Variants in PITPNB observed in about 807,000 individuals in gnomAD.
The protein encoded by PITPNB is phosphatidylinositol transfer protein beta isoform.
Under a neutral mutation model 45.9 loss-of-function variants are expected in PITPNB, and 16 were observed. That is an observed-to-expected ratio of 0.35 (90% CI 0.24 to 0.53). The LOEUF (loss-of-function observed/expected upper bound fraction) is 0.53, where lower values mean the gene tolerates loss of function less well. Among genes scored for constraint, PITPNB ranks in the 20% least tolerant of loss-of-function variants. PITPNB has a pLI of 0.93. For synonymous variants in PITPNB, 112 were observed against 108.9 expected (o/e 1.03, Z -0.18); for missense variants, 188 against 330.5 (o/e 0.57, Z 3.34).
intron 8 of PITPNB, among the ~76,000 whole-genome samples, chr22:27,862,313 A>G (rs766115547): frequency 6.0e-4 from 91 of 152,108 alleles, no homozygotes; most frequent in Non-Finnish European, 4.3e-4. Flanking sequence ...ATTATCTACC[A>G]TGGCCCAGTT....
At position 27,858,519 on chromosome 22, in the gene PITPNB, CA is replaced by C; in HGVS notation, c.646-11del. The C allele has an allele frequency of 6.2e-7, 1 of 1,602,276 alleles. No individual in the cohort carries two copies. The highest frequency in any genetic ancestry group is 8.5e-7 in the Non-Finnish European group (1 of 1,175,574). On this transcript the variant is annotated splice_polypyrimidine_tract_variant and intron_variant, in intron 9 of 11. Transcript: ENST00000335272. ...ATATCCGTTTTTCTTGCTTTTAAAACAACAACAAAAAAGTAGCATAAGATGA... is the reference window on the plus strand; with the variant it reads ...ATATCCGTTTTTCTTGCTTTTAAAACACAACAAAAAAGTAGCATAAGATGA...
chr22:27,853,945 T>C (rs2146341562), intron 11 of PITPNB, among the ~76,000 whole-genome samples: 1 of 152,136 alleles, frequency 6.6e-6, no homozygotes, highest in East Asian at 1.9e-4. Flanking sequence ...ATTTTTTTTT[T>C]TTTAATGAAC....
At chr22:27,865,157 T>C (rs1353440173) in intron 8 of PITPNB, among the ~76,000 whole-genome samples, 1 of 152,178 alleles carries the variant, frequency 6.6e-6, no homozygotes, top group Non-Finnish European at 1.5e-5. Context: ...AAAGTTATCA[T>C]TTAAAAATTT....
Position 27,854,871 on chromosome 22 carries a change from C to G in PITPNB, c.*21G>C. ...TCACTTACACAGTTTGACATTGTCT[C>G]TGACCCTACAGGGGACTCATCTAGA... is the stretch of plus-strand genomic sequence containing the variant. On this transcript the variant is annotated 3_prime_UTR_variant, in exon 11 of 12. Transcript: ENST00000335272. 6.2e-7 allele frequency: 1 copy of G among 1,611,324 alleles called. No homozygotes were observed. The highest frequency in any genetic ancestry group is 8.5e-7 in the Non-Finnish European group (1 of 1,177,496).
intron 10 of PITPNB, among the ~76,000 whole-genome samples, 160 bp downstream of exon 10, chr22:27,858,227 G>GA (rs1934227177): frequency 6.6e-6 from 1 of 152,184 alleles, no homozygotes; most frequent in African/African-American, 2.4e-5. Flanking sequence ...ATATGTGAAG[G>GA]AATAGCAGTG....
rs144532230 is a variant in PITPNB at position 27,902,833 on chromosome 22, C to G, written c.198-4941G>C. On this transcript the variant is annotated intron_variant, in intron 3 of 11. Transcript: ENST00000335272. ...TTCTGGGCTCAAGCGATTCTCCCACCTCGTCTCCTGAGTAGCTATGACAAA... is the reference window on the plus strand; with the variant it reads ...TTCTGGGCTCAAGCGATTCTCCCACGTCGTCTCCTGAGTAGCTATGACAAA... 6.8e-3 allele frequency among the ~76,000 whole-genome samples: 1,031 copies of G among 152,274 alleles called. 7 individuals are homozygous for G. The highest frequency in any genetic ancestry group is 0.023 in the African/African-American group (936 of 41,550).
In PITPNB at chr22:27,885,212, T is replaced by TTAAAAAA. The variant is rs1569019261; in HGVS notation, c.456+9342_456+9343insTTTTTTA. ...AAAGAGCCAGATTCAAATTTATACC[T>TTAAAAAA]AAAAAAAAAAAAAAAAAAAAAAAAA... On this transcript the variant is annotated intron_variant, in intron 7 of 11. Coordinates refer to ENST00000335272, the MANE Select transcript of PITPNB (RefSeq NM_012399.5). 4.3e-4 allele frequency among the ~76,000 whole-genome samples: 13 copies of TTAAAAAA among 30,234 alleles called. 1 individual carries two copies. In the East Asian group the frequency reaches 7.3e-3, roughly 17 times the overall value. 19.8% of individuals were successfully genotyped at this position (30,234 alleles called of 152,430 possible).
intron 7 of PITPNB, among the ~76,000 whole-genome samples, chr22:27,878,356 CA>C (rs1934877733): frequency 6.6e-6 from 1 of 151,962 alleles, no homozygotes; most frequent in Non-Finnish European, 1.5e-5. Context: ...AGCGAGACTC[CA>C]AAGAGTAAGT....
At chr22:27,919,124 C>T in intron 1 of PITPNB, 48 bp downstream of exon 1, 1 of 1,613,920 alleles carries the variant, frequency 6.2e-7, no homozygotes, top group Non-Finnish European at 8.5e-7. Context: ...AACAAATCTC[C>T]CATCACTGCC....
intron 11 of PITPNB, among the ~76,000 whole-genome samples, 154 bp downstream of exon 11, chr22:27,854,700 A>G (rs1934122225): frequency 6.6e-6 from 1 of 152,240 alleles, no homozygotes; most frequent in Non-Finnish European, 1.5e-5. Context: ...AAGACTATTA[A>G]TAAGTGTTCA....
chr22:27,917,053 C>T (rs1161286767), intron 1 of PITPNB, among the ~76,000 whole-genome samples: 4 of 151,922 alleles, frequency 2.6e-5, no homozygotes, highest in Admixed American at 2.6e-4. Context: ...TTCAAAAAGT[C>T]TAGGAGGAAA....
chr22:27,858,165 A>C (rs911638582), intron 10 of PITPNB, among the ~76,000 whole-genome samples: 2 of 152,242 alleles, frequency 1.3e-5, no homozygotes, highest in African/African-American at 2.4e-5. Context: ...TTCTAGACTG[A>C]GAAAACTCTA....
intron 1 of PITPNB, among the ~76,000 whole-genome samples, chr22:27,918,195 C>T (rs750319899): frequency 1.3e-5 from 2 of 152,132 alleles, no homozygotes; most frequent in African/African-American, 4.8e-5. Flanking sequence ...GGTATTAAGT[C>T]TCAGAGAAGT....
chr22:27,903,786 A>AC, intron 3 of PITPNB, among the ~76,000 whole-genome samples: 1 of 151,690 alleles, frequency 6.6e-6, no homozygotes, highest in East Asian at 1.9e-4. Flanking sequence ...CCAAAAAAAA[A>AC]AAAAAAAAAA....
rs114873207 is a variant in PITPNB, at chr22:27,883,422, T to A, written c.457-9607A>T. Among the ~76,000 whole-genome samples the A allele has an allele frequency of 6.8e-3, 1,036 of 152,296 alleles. 7 individuals are homozygous for A. Among genetic ancestry groups the A allele is most frequent in the African/African-American group, 0.023 (941 of 41,572 alleles). On this transcript the variant is annotated intron_variant, in intron 7 of 11. Coordinates refer to ENST00000335272, the MANE Select transcript of PITPNB (RefSeq NM_012399.5). Reference sequence around the variant, plus strand: ...GCCTCCAACTGAGATTCCTTCTGCTTCCAAAATCCTAGAAGGGTGCCTATG... The same window carrying A: ...GCCTCCAACTGAGATTCCTTCTGCTACCAAAATCCTAGAAGGGTGCCTATG...
intron 7 of PITPNB, 33 bp from the exon 8 acceptor site, chr22:27,873,848 G>C (rs766389428): frequency 7.3e-7 from 1 of 1,375,414 alleles, no homozygotes; most frequent in Non-Finnish European, 1.0e-6. Flanking sequence ...AGGCAGAGAA[G>C]AAAACCAGAG....
chr22:27,873,057 C>T (rs1006051986), intron 8 of PITPNB, among the ~76,000 whole-genome samples: 12 of 152,148 alleles, frequency 7.9e-5, no homozygotes, highest in African/African-American at 2.4e-4. Flanking sequence ...CACCTGAGGT[C>T]GGGAGTTCGA....
intron 7 of PITPNB, among the ~76,000 whole-genome samples, chr22:27,892,176 GT>G (rs1935298401): frequency 6.6e-6 from 1 of 152,170 alleles, no homozygotes; most frequent in Non-Finnish European, 1.5e-5. Flanking sequence ...CCTATCTCAA[GT>G]GCTGCTGTCA....
At chr22:27,917,769 C>A (rs1244830646) in intron 1 of PITPNB, among the ~76,000 whole-genome samples, 1 of 152,074 alleles carries the variant, frequency 6.6e-6, no homozygotes, top group Non-Finnish European at 1.5e-5. Flanking sequence ...AAAAAGAGAA[C>A]ACAACTAGTA....
Sources: gnomAD v4.1 joint callset for allele counts (sites outside exome capture counted in the v4.1 genomes callset) on GRCh38, gnomAD v4.1.1 for gene constraint, MANE v1.5 for transcripts, NCBI Gene and HGNC (gene_info 2026-07-23, HGNC 2026-07-21) for gene names.